DDAH1: variants seen among roughly 807,000 people sequenced by gnomAD.
DDAH1 encodes N(G),N(G)-dimethylarginine dimethylaminohydrolase 1.
DDAH1 carries 19 observed loss-of-function variants against 28.8 expected under a neutral mutation model. The observed-to-expected ratio is 0.66, with a 90% CI of 0.46 to 0.97. The LOEUF is 0.97. Among genes scored for constraint, DDAH1 ranks in the 50% least tolerant of loss-of-function variants. DDAH1 has a pLI of 0.00. For missense variants in DDAH1, 326 were observed against 375.9 expected (o/e 0.87, Z 1.10); for synonymous variants, 153 against 154.4 (o/e 0.99, Z 0.07).
intron 1 of DDAH1, among the ~76,000 whole-genome samples, chr1:85,390,316 G>T (rs546663274): frequency 2.0e-5 from 3 of 152,212 alleles, no homozygotes; most frequent in Non-Finnish European, 2.9e-5. Context: ...AGCCTGATCT[G>T]CAATTAGAGT....
intron 1 of DDAH1, among the ~76,000 whole-genome samples, chr1:85,501,661 C>T (rs549654682): frequency 6.6e-5 from 10 of 152,190 alleles, no homozygotes; most frequent in Non-Finnish European, 7.4e-5. Context: ...TTTGCTGTGC[C>T]GCCAGGAAAA....
intron 4 of DDAH1, among the ~76,000 whole-genome samples, chr1:85,332,990 C>CAGCACCCAAGAA (rs1553122583): frequency 6.6e-6 from 1 of 151,672 alleles, no homozygotes; most frequent in African/African-American, 2.4e-5. Flanking sequence ...CTGCCATAAC[C>CAGCACCCAAGAA]AGCACCCAAG....
chr1:85,508,750 C>T (rs538705288), intron 1 of DDAH1, among the ~76,000 whole-genome samples: 11 of 152,344 alleles, frequency 7.2e-5, no homozygotes, highest in South Asian at 2.1e-4. Flanking sequence ...ATCTGTGAGG[C>T]GGCAGCCTGG....
At chr1:85,380,031 T>TA (rs1650896266) in intron 1 of DDAH1, among the ~76,000 whole-genome samples, 1 of 152,222 alleles carries the variant, frequency 6.6e-6, no homozygotes, top group Admixed American at 6.5e-5. Context: ...CTCATTGGTT[T>TA]AAAAACCCAA....
At chr1:85,477,853 G>A (rs1655856208) in intron 2 of DDAH1, among the ~76,000 whole-genome samples, 1 of 151,876 alleles carries the variant, frequency 6.6e-6, no homozygotes, top group Non-Finnish European at 1.5e-5. Context: ...TGTACAAATT[G>A]TCTATAATTT....
At chr1:85,404,568 A>T (rs1652316156) in intron 1 of DDAH1, 1 of 1,347,896 alleles carries the variant, frequency 7.4e-7, no homozygotes, top group Admixed American at 3.2e-5. Flanking sequence ...ATAGGAGTTC[A>T]TTTTCCAGAC....
At chr1:85,565,284 C>T (rs1195329225) in intron 1 of DDAH1, among the ~76,000 whole-genome samples, 1 of 152,100 alleles carries the variant, frequency 6.6e-6, no homozygotes, top group Non-Finnish European at 1.5e-5. Flanking sequence ...AGCAGCAGGG[C>T]TATAATGCAA....
intron 1 of DDAH1, among the ~76,000 whole-genome samples, chr1:85,436,434 G>A (rs1417994841): frequency 6.6e-6 from 1 of 152,076 alleles, no homozygotes; most frequent in African/African-American, 2.4e-5. Context: ...TATAGCTTTT[G>A]GCCAAAACCC....
intron 1 of DDAH1, among the ~76,000 whole-genome samples, chr1:85,385,655 C>A (rs113415547): frequency 0.023 from 3,506 of 152,142 alleles, 144 homozygotes; most frequent in African/African-American, 0.08. Context: ...ACAAATGAGG[C>A]CTCATTTTGA....
chr1:85,330,890 G>A (rs1647721062), intron 4 of DDAH1, among the ~76,000 whole-genome samples: 1 of 152,188 alleles, frequency 6.6e-6, no homozygotes, highest in South Asian at 2.1e-4. Context: ...ATTTAAGGCA[G>A]GACAAGCACA....
intron 2 of DDAH1, chr1:85,488,342 G>A (rs1656274842): frequency 6.6e-6 from 1 of 152,202 alleles, no homozygotes; most frequent in Non-Finnish European, 1.5e-5. Context: ...GTCAGATTCT[G>A]GTGAGGGCTC....
chr1:85,432,496 G>C (rs1008956019), intron 1 of DDAH1, among the ~76,000 whole-genome samples: 1 of 152,126 alleles, frequency 6.6e-6, no homozygotes, highest in Admixed American at 6.5e-5. Flanking sequence ...ATTTCCAGTA[G>C]ATTCCACCTT....
chr1:85,467,135 C>T (rs1214921876), upstream of DDAH1, among the ~76,000 whole-genome samples: 2 of 152,080 alleles, frequency 1.3e-5, no homozygotes, highest in African/African-American at 4.8e-5. Context: ...CTGCACCCAG[C>T]CTATTTATTC....
chr1:85,563,636 C>T (rs1659202387), intron 1 of DDAH1, among the ~76,000 whole-genome samples: 1 of 152,066 alleles, frequency 6.6e-6, no homozygotes, highest in South Asian at 2.1e-4. Flanking sequence ...GTATGACATC[C>T]ACTCAAAACT....
intron 4 of DDAH1, among the ~76,000 whole-genome samples, chr1:85,331,229 C>A (rs1055974149): frequency 6.6e-6 from 1 of 152,196 alleles, no homozygotes; most frequent in Non-Finnish European, 1.5e-5. Context: ...CATTCTCTTG[C>A]TTCTTACTCA....
At chr1:85,380,890 A>G (rs1406079845) in intron 1 of DDAH1, among the ~76,000 whole-genome samples, 2 of 152,176 alleles carry the variant, frequency 1.3e-5, no homozygotes, top group East Asian at 3.9e-4. Flanking sequence ...AAAATTATAA[A>G]TTTTAAAACA....
At chr1:85,391,335 C>T (rs919065173) in intron 1 of DDAH1, among the ~76,000 whole-genome samples, 12 of 152,236 alleles carry the variant, frequency 7.9e-5, no homozygotes, top group East Asian at 1.9e-4. Context: ...GGTGTAGTGG[C>T]ACATGCCTAT....
rs191306675 is a variant in DDAH1, at chr1:85,455,384, G to A, written c.303+9359C>T. ...AATGACTACATCTATACCTTATTTGGCTAACATGTGTACACAGCTAATTAT... is the reference window on the plus strand; with the variant it reads ...AATGACTACATCTATACCTTATTTGACTAACATGTGTACACAGCTAATTAT... On this transcript the variant is annotated intron_variant, in intron 1 of 5. Coordinates refer to ENST00000284031, the MANE Select transcript of DDAH1 (RefSeq NM_012137.4). 8.5e-3 allele frequency among the ~76,000 whole-genome samples: 1,295 copies of A among 152,000 alleles called. 7 individuals are homozygous for A. Among genetic ancestry groups the A allele is most frequent in the Non-Finnish European group, 0.013 (883 of 67,962 alleles).
intron 1 of DDAH1, among the ~76,000 whole-genome samples, chr1:85,393,174 T>C (rs6671599): frequency 0.65 from 99,610 of 152,104 alleles, 32,700 homozygotes; most frequent in East Asian, 0.7. Flanking sequence ...CTAATACTTA[T>C]AGCATTGTTC....
Sources: allele counts gnomAD v4.1 joint callset (sites outside exome capture counted in the v4.1 genomes callset), GRCh38; gene constraint gnomAD v4.1.1; transcripts MANE v1.5; gene names NCBI Gene and HGNC (gene_info 2026-07-23, HGNC 2026-07-21).